AP3B1: variants seen among roughly 807,000 people sequenced by gnomAD.
The protein encoded by AP3B1 is AP-3 complex subunit beta-1.
Under a neutral mutation model 132.5 loss-of-function variants are expected in AP3B1, and 61 were observed. The ratio of observed to expected loss-of-function variants is 0.46; its 90% CI spans 0.37 to 0.57. The LOEUF (loss-of-function observed/expected upper bound fraction) is 0.57. Among genes scored for constraint, AP3B1 ranks in the 20% least tolerant of loss-of-function variants. The pLI, the probability that AP3B1 is intolerant of heterozygous loss-of-function variation, is 0.00. For synonymous variants in AP3B1, 388 were observed against 438.3 expected (o/e 0.89, Z 1.43); for missense variants, 1,120 against 1,289.4 (o/e 0.87, Z 2.01).
At chr5:78,019,050 T>C (rs1245372931) in intron 25 of AP3B1, among the ~76,000 whole-genome samples, 2 of 152,158 alleles carry the variant, frequency 1.3e-5, no homozygotes, top group African/African-American at 2.4e-5. Context: ...GATTTACAAA[T>C]ACTTCATATA....
chr5:78,006,022 C>A (rs576253506), intron 26 of AP3B1, among the ~76,000 whole-genome samples: 24 of 152,272 alleles, frequency 1.6e-4, no homozygotes, highest in African/African-American at 5.5e-4. Context: ...TAAGATCACA[C>A]TGTGACAAAA....
chr5:78,274,440 C>A (rs1748685805), intron 1 of AP3B1, among the ~76,000 whole-genome samples: 2 of 149,684 alleles, frequency 1.3e-5, no homozygotes, highest in South Asian at 2.1e-4. Context: ...ATTAGAGTTC[C>A]AAAGAGAAAA....
intron 15 of AP3B1, among the ~76,000 whole-genome samples, chr5:78,138,545 GAAC>G (rs1431719840): frequency 1.3e-5 from 2 of 152,092 alleles, no homozygotes; most frequent in Admixed American, 6.5e-5. Flanking sequence ...CAAAAACAGA[GAAC>G]AACTCTTCAA....
intron 1 of AP3B1, among the ~76,000 whole-genome samples, chr5:78,275,130 G>C (rs1371432267): frequency 6.6e-6 from 1 of 152,092 alleles, no homozygotes; most frequent in East Asian, 1.9e-4. Context: ...TAAACAGATG[G>C]GTGGTTTGCT....
At chr5:78,018,671 A>AACACAC (rs3050070) in intron 25 of AP3B1, among the ~76,000 whole-genome samples, 2,639 of 146,654 alleles carry the variant, frequency 0.018, 85 homozygotes, top group African/African-American at 0.061. Context: ...AAGCTGGTGT[A>AACACAC]ACACACACAC....
At chr5:78,264,754 A>G (rs1445032648) in intron 2 of AP3B1, among the ~76,000 whole-genome samples, 1 of 152,256 alleles carries the variant, frequency 6.6e-6, no homozygotes, top group Non-Finnish European at 1.5e-5. Context: ...AGATTTATAC[A>G]AAACTATTTA....
chr5:78,219,790 C>T (rs1179375484), intron 6 of AP3B1, among the ~76,000 whole-genome samples: 1 of 151,984 alleles, frequency 6.6e-6, no homozygotes, highest in East Asian at 1.9e-4. Flanking sequence ...TATCCTCTAG[C>T]CTAAAAGAAG....
At chr5:78,147,234 CCTT>C (rs1305822024) in intron 14 of AP3B1, among the ~76,000 whole-genome samples, 1 of 151,930 alleles carries the variant, frequency 6.6e-6, no homozygotes, top group Non-Finnish European at 1.5e-5. Flanking sequence ...TACAAATTAC[CCTT>C]TTTTCATTTT....
chr5:78,104,514 A>G (rs1464330376), intron 20 of AP3B1, among the ~76,000 whole-genome samples: 1 of 152,254 alleles, frequency 6.6e-6, no homozygotes, highest in Admixed American at 6.5e-5. Flanking sequence ...GCTTTGCATT[A>G]TAACAGTAAA....
intron 1 of AP3B1, among the ~76,000 whole-genome samples, chr5:78,275,604 T>C (rs1257395289): frequency 6.6e-6 from 1 of 152,154 alleles, no homozygotes; most frequent in African/African-American, 2.4e-5. Context: ...GCCTCCCAAG[T>C]AGCTGGGATT....
At chr5:78,056,149 T>A (rs1277153511) in intron 22 of AP3B1, among the ~76,000 whole-genome samples, 5 of 152,124 alleles carry the variant, frequency 3.3e-5, no homozygotes, top group Admixed American at 6.6e-5. Context: ...ACCACTTTTT[T>A]AAAAAAAGCA....
At chr5:78,276,883 G>A (rs373660049) in intron 1 of AP3B1, among the ~76,000 whole-genome samples, 8 of 87,608 alleles carry the variant, frequency 9.1e-5, no homozygotes, top group African/African-American at 3.2e-5. Context: ...AAAAAAAAAA[G>A]AAGAAGAAGC....
At chr5:78,015,583 T>A in intron 25 of AP3B1, 35 bp from the exon 26 acceptor site, 1 of 1,609,606 alleles carries the variant, frequency 6.2e-7, no homozygotes, top group Non-Finnish European at 8.5e-7. Context: ...TTTTATTAAT[T>A]TCTTTTTGAA....
At chr5:78,149,453 T>C (rs971006452) in intron 14 of AP3B1, among the ~76,000 whole-genome samples, 12 of 152,204 alleles carry the variant, frequency 7.9e-5, no homozygotes, top group Admixed American at 3.9e-4. Context: ...ATATGCTCTA[T>C]AGGAGTTATT....
intron 7 of AP3B1, among the ~76,000 whole-genome samples, chr5:78,213,553 C>G (rs1242971661): frequency 2.0e-5 from 3 of 152,184 alleles, no homozygotes; most frequent in African/African-American, 7.2e-5. Flanking sequence ...GCCTGTTATA[C>G]TGATTATTCT....
chr5:78,023,487 G>T (rs928268310), intron 24 of AP3B1, among the ~76,000 whole-genome samples: 28 of 150,468 alleles, frequency 1.9e-4, no homozygotes, highest in Non-Finnish European at 1.9e-4. Flanking sequence ...AGGGAATCAG[G>T]AGAGAGGACA....
At chr5:78,269,908 T>G (rs1213382567) in intron 1 of AP3B1, among the ~76,000 whole-genome samples, 1 of 152,020 alleles carries the variant, frequency 6.6e-6, no homozygotes, top group Non-Finnish European at 1.5e-5. Flanking sequence ...TTTATTATGT[T>G]TTTGTTTGTT....
chr5:78,213,696 C>G (rs975120769), intron 7 of AP3B1, among the ~76,000 whole-genome samples: 34 of 152,178 alleles, frequency 2.2e-4, no homozygotes, highest in African/African-American at 6.5e-4. Flanking sequence ...TTATAACCAC[C>G]AGAGTAACTG....
In AP3B1 at chr5:78,191,132, A is replaced by T. The variant is rs189880398; in HGVS notation, c.787-9470T>A. Among the ~76,000 whole-genome samples the T allele has an allele frequency of 2.4e-3, 366 of 152,212 alleles. 3 individuals carry two copies. The highest frequency in any genetic ancestry group is 8.4e-3 in the African/African-American group (348 of 41,536). On this transcript the variant is annotated intron_variant, in intron 7 of 26. Transcript: ENST00000255194. Reference sequence around the variant, plus strand: ...TTTAGAGAACACTTTTTAAAAACACATAATATAAGATTATATAGTTCTATT... The same window carrying T: ...TTTAGAGAACACTTTTTAAAAACACTTAATATAAGATTATATAGTTCTATT...
Sources: allele counts gnomAD v4.1 joint callset (sites outside exome capture counted in the v4.1 genomes callset), GRCh38; gene constraint gnomAD v4.1.1; transcripts MANE v1.5; gene names NCBI Gene and HGNC (gene_info 2026-07-23, HGNC 2026-07-21).